ALDOC: variants seen among roughly 807,000 people sequenced by gnomAD.
The protein encoded by ALDOC is fructose-bisphosphate aldolase C.
In ALDOC, 23 loss-of-function variants were observed where a neutral mutation model predicts 39.5. That is an observed-to-expected ratio of 0.58 (90% CI 0.42 to 0.82). ALDOC has a LOEUF of 0.82. Ranked by LOEUF, ALDOC falls within the 40% of genes least tolerant of loss-of-function variation. ALDOC has a pLI of 0.00. For missense variants in ALDOC, 356 were observed against 479.1 expected (o/e 0.74, Z 2.40); for synonymous variants, 160 against 182.6 (o/e 0.88, Z 1.00).
Position 28,575,636 on chromosome 17 carries a change from G to C in ALDOC, c.-12-92C>G. 1 of 1,470,240 alleles carries C rather than the reference G, an allele frequency of 6.8e-7. No individual in the cohort carries two copies. Among genetic ancestry groups the C allele is most frequent in the African/African-American group, 1.4e-5 (1 of 71,514 alleles). 91.1% of individuals were successfully genotyped at this position (1,470,240 alleles called of 1,614,324 possible). On this transcript the variant is annotated intron_variant, in intron 1 of 8. Coordinates refer to ENST00000226253, the MANE Select transcript of ALDOC (RefSeq NM_005165.3). The surrounding 1 kb of genome is among the most constrained non-coding windows in gnomAD (Gnocchi z 4.3). ...AAATGGCCTCCCCATCAAGCAAGGG[G>C]CTGGGAACAGGGCAGCAGTCCTTGG...
chr17:28,574,679 C>T lies in ALDOC; in HGVS notation c.540+17G>A. ...GCATACAGGGCACCTAGCTCACCAC[C>T]CTCCCAACACACACACCTGCTGGCA... On this transcript the variant is annotated intron_variant, in intron 5 of 8. Transcript: ENST00000226253. 1 of 1,614,022 alleles carries T rather than the reference C, an allele frequency of 6.2e-7. No homozygotes were observed. The highest frequency in any genetic ancestry group is 2.2e-5 in the East Asian group (1 of 44,874).
Position 28,575,030 on chromosome 17 carries a change from G to T in ALDOC, c.325-24C>A. On this transcript the variant is annotated intron_variant, in intron 3 of 8. Transcript: ENST00000226253. This position sits in a 1 kb window ranked among gnomAD's most constrained non-coding sequence, Gnocchi z 4.3. ...ACCTGTAGAGGAAGTACAAGCAGAG[G>T]GTTGAATCCAGGCAGGATTCTCCTT... The T allele has an allele frequency of 1.9e-6, 3 of 1,614,108 alleles. No homozygotes were observed. Among genetic ancestry groups the T allele is most frequent in the Non-Finnish European group, 2.5e-6 (3 of 1,180,020 alleles).
chr17:28,574,298 C>T (rs1290940192), intron 6 of ALDOC, 57 bp from the exon 7 acceptor site: 17 of 1,536,086 alleles, frequency 1.1e-5, no homozygotes, highest in East Asian at 2.3e-5. Flanking sequence ...GGTTACTGCT[C>T]GATGCTCCCT....
rs765584165 is a variant in ALDOC at position 28,575,360 on chromosome 17, G to A, written c.113-26C>T. On this transcript the variant is annotated intron_variant, in intron 2 of 8. Transcript: ENST00000226253. This position sits in a 1 kb window ranked among gnomAD's most constrained non-coding sequence, Gnocchi z 4.3. Reference sequence around the variant, plus strand: ...CTAGGGGCAAACAAAGAGAGGCAGTGAGAACATCCCCAGGGTCCCCTAGCC... The same window carrying A: ...CTAGGGGCAAACAAAGAGAGGCAGTAAGAACATCCCCAGGGTCCCCTAGCC... 1.2e-6 allele frequency: 2 copies of A among 1,614,222 alleles called. No homozygotes were observed. Among genetic ancestry groups the A allele is most frequent in the South Asian group, 2.2e-5 (2 of 91,086 alleles).
At chr17:28,574,420 T>A in intron 6 of ALDOC, 74 bp downstream of exon 6, 1 of 1,528,798 alleles carries the variant, frequency 6.5e-7, no homozygotes, top group East Asian at 2.3e-5. Context: ...GGATCTAAGC[T>A]GGGGGTTCTG....
chr17:28,574,055 G>A lies in ALDOC; in HGVS notation c.799+12C>T. On this transcript the variant is annotated intron_variant, in intron 7 of 8. Transcript: ENST00000226253. ...CTTAGGGATAGGAGCAGGTTAGGGA[G>A]CTGGGTAGTACCTGGGACAGCTGGG... 6.3e-7 allele frequency: 1 copy of A among 1,595,244 alleles called. No homozygotes were observed. The highest frequency in any genetic ancestry group is 8.5e-7 in the Non-Finnish European group (1 of 1,169,918).
chr17:28,575,763 A>C lies in ALDOC; in HGVS notation c.-12-219T>G. 3 of 665,978 alleles carry C rather than the reference A, an allele frequency of 4.5e-6. No homozygotes were observed. Among genetic ancestry groups the C allele is most frequent in the Non-Finnish European group, 4.8e-6 (2 of 417,832 alleles). The allele number at this position is 665,978 out of a possible 1,614,324, so 41.3% of individuals were successfully genotyped here. ...TTTGTCCCTGGTAGGCATCCTTCCCAGCCCTGGGGAAAGATGCAGGGTGGG... is the reference window on the plus strand; with the variant it reads ...TTTGTCCCTGGTAGGCATCCTTCCCCGCCCTGGGGAAAGATGCAGGGTGGG... On this transcript the variant is annotated intron_variant, in intron 1 of 8. Coordinates refer to ENST00000226253, the MANE Select transcript of ALDOC (RefSeq NM_005165.3). This position sits in a 1 kb window ranked among gnomAD's most constrained non-coding sequence, Gnocchi z 4.3.
At position 28,574,229 on chromosome 17, in the gene ALDOC, C is replaced by G. The variant is rs777472706; in HGVS notation, c.637G>C (p.Val213Leu). ...QYVTEKVLAA[V>L]YKALSDHHVY... ...TGATGGTCACTCAGGGCCTTGTACA[C>G]AGCAGCCAAGACCTGGGTGGGGATT... Residue 213 changes from valine (V) to leucine (L), a missense_variant, in exon 7 of 9, where the codon GTG (valine) becomes CTG (leucine). Physicochemically the swap from Val to Leu is conservative, Grantham distance 32 (BLOSUM62 1). Coordinates refer to ENST00000226253, the MANE Select transcript of ALDOC (RefSeq NM_005165.3). 7 of 1,590,122 alleles carry G rather than the reference C, an allele frequency of 4.4e-6. No homozygotes were observed. In the African/African-American group the frequency reaches 9.4e-5, roughly 21 times the overall value.
rs771590182 is a variant in ALDOC, at chr17:28,574,935, G to T, written c.379+17C>A. 1 of 1,614,108 alleles carries T rather than the reference G, an allele frequency of 6.2e-7. No individual in the cohort carries two copies. Among genetic ancestry groups the T allele is most frequent in the Non-Finnish European group, 8.5e-7 (1 of 1,180,012 alleles). On this transcript the variant is annotated intron_variant, in intron 4 of 8. Coordinates refer to ENST00000226253, the MANE Select transcript of ALDOC (RefSeq NM_005165.3). ...TATCTAACACCTCTTTGGTCCTCAA[G>T]CCCACCCATCCTATACCTTGAGTGG...
chr17:28,576,126 T>C (rs966411492), intron 1 of ALDOC: 2 of 390,858 alleles, frequency 5.1e-6, no homozygotes, highest in African/African-American at 2.2e-5. Context: ...TGCCTGCCTA[T>C]GCCTATTGCC....
chr17:28,574,969 C>T lies in ALDOC; in HGVS notation c.362G>A (p.Gly121Glu). 1 of 1,614,184 alleles carries T rather than the reference C, an allele frequency of 6.2e-7. No homozygotes were observed. Among genetic ancestry groups the T allele is most frequent in the Non-Finnish European group, 8.5e-7 (1 of 1,180,030 alleles). The stretch of plus-strand genomic sequence containing the variant: ...TCCTATACCTTGAGTGGTGGTTTCT[C>T]CATCAGTCCCAGCTAGAGGCACCAC... ...KGVVPLAGTD[G>E]ETTTQGLDGL... Residue 121 changes from glycine to glutamate, a missense_variant, in exon 4 of 9, where the codon GGA (glycine) becomes GAA (glutamate). By Grantham distance (98) the Gly-to-Glu change is moderately conservative (BLOSUM62 -2). Coordinates refer to ENST00000226253, the MANE Select transcript of ALDOC (RefSeq NM_005165.3).
Position 28,573,645 on chromosome 17 carries a change from G to C in ALDOC, c.1000-24C>G. 1 of 1,613,990 alleles carries C rather than the reference G, an allele frequency of 6.2e-7. No homozygotes were observed. The highest frequency in any genetic ancestry group is 8.5e-7 in the Non-Finnish European group (1 of 1,179,866). On this transcript the variant is annotated intron_variant, in intron 8 of 8. Transcript: ENST00000226253. The surrounding 1 kb of genome is among the most constrained non-coding windows in gnomAD (Gnocchi z 4.3). ...ACCTGCAAAAGGGAGCGTGGAGTAAGCAGGCTGAGCCAGCCCACAGGTGCC... is the reference window on the plus strand; with the variant it reads ...ACCTGCAAAAGGGAGCGTGGAGTAACCAGGCTGAGCCAGCCCACAGGTGCC...
intron 6 of ALDOC, 60 bp from the exon 7 acceptor site, chr17:28,574,301 T>G: frequency 6.5e-7 from 1 of 1,531,552 alleles, no homozygotes; most frequent in Non-Finnish European, 8.9e-7. Context: ...TACTGCTCGA[T>G]GCTCCCTATG....
In ALDOC at chr17:28,576,809, A is replaced by G. The variant is rs2070498329; in HGVS notation, c.-21T>C. The G allele has an allele frequency of 1.7e-5, 17 of 985,394 alleles. No homozygotes were observed. Among genetic ancestry groups the G allele is most frequent in the Non-Finnish European group, 2.0e-5 (17 of 829,916 alleles). 61.0% of individuals were successfully genotyped at this position (985,394 alleles called of 1,614,324 possible). Reference sequence around the variant, plus strand: ...GCCTTGCCTGGCCTTACCTGTGCGCAGCCAGTTAGCAGCCGCAGCCACAAG... The same window carrying G: ...GCCTTGCCTGGCCTTACCTGTGCGCGGCCAGTTAGCAGCCGCAGCCACAAG... On this transcript the variant is annotated 5_prime_UTR_variant, in exon 1 of 9. Transcript: ENST00000226253.
chr17:28,576,727 G>A (rs1030388113), intron 1 of ALDOC, 74 bp downstream of exon 1: 1 of 941,772 alleles, frequency 1.1e-6, no homozygotes, highest in African/African-American at 1.8e-5. Context: ...CAGGTAGCAG[G>A]ACGAGGATGG....
At position 28,573,688 on chromosome 17, in the gene ALDOC, T is replaced by G; in HGVS notation, c.999+47A>C. The G allele has an allele frequency of 6.2e-7, 1 of 1,613,932 alleles. No homozygotes were observed. Among genetic ancestry groups the G allele is most frequent in the Non-Finnish European group, 8.5e-7 (1 of 1,179,900 alleles). On this transcript the variant is annotated intron_variant, in intron 8 of 8. Transcript: ENST00000226253. The surrounding 1 kb of genome is among the most constrained non-coding windows in gnomAD (Gnocchi z 4.3). The stretch of plus-strand genomic sequence containing the variant: ...CAGGTGCCAAGCCCTGCCCAGGCTA[T>G]AGCCTCTGGGTGCTGCCCCCACCCA...
rs998570884 is a variant in ALDOC, at chr17:28,575,499, G to C, written c.34C>G (p.Gln12Glu). ...GCAATGTCAGACAACTCCTTCTTCT[G>C]CTCAGCAGAAAGGGCTGGGTACGAG... ...PHSYPALSAE[Q>E]KKELSDIALR... is the part of the protein sequence containing the mutation. Residue 12 changes from glutamine to glutamate, a missense_variant, in exon 2 of 9, where the codon CAG becomes GAG. By Grantham distance (29) the Gln-to-Glu change is conservative. Transcript: ENST00000226253. The surrounding 1 kb of genome is among the most constrained non-coding windows in gnomAD (Gnocchi z 4.3). 57 of 1,614,102 alleles carry C rather than the reference G, an allele frequency of 3.5e-5. No individual in the cohort carries two copies. The highest frequency in any genetic ancestry group is 4.2e-5 in the Non-Finnish European group (49 of 1,180,040).
Position 28,575,313 on chromosome 17 carries a change from C to T in ALDOC, c.134G>A (p.Ser45Asn). The T allele has an allele frequency of 6.2e-7, 1 of 1,614,226 alleles. No individual in the cohort carries two copies. Among genetic ancestry groups the T allele is most frequent in the Non-Finnish European group, 8.5e-7 (1 of 1,180,030 alleles). The change falls in exon 3 of 9, where the codon AGC (serine) becomes AAC (asparagine). Residue 45 changes from serine (S) to asparagine (N), a missense_variant. Physicochemically the swap from Ser to Asn is conservative, Grantham distance 46 (BLOSUM62 1). Transcript: ENST00000226253. This position sits in a 1 kb window ranked among gnomAD's most constrained non-coding sequence, Gnocchi z 4.3. The part of the protein sequence containing the change: ...ESVGSMAKRL[S>N]QIGVENTEEN... ...CTCTGTGTTTTCCACCCCAATTTGG[C>T]TCAGCCGCTTGGCCATGCTGCCTAG...
In ALDOC at chr17:28,574,551, AG is replaced by A; in HGVS notation, c.566del (p.Pro189LeufsTer29). 6.2e-7 allele frequency: 1 copy of A among 1,614,132 alleles called. No homozygotes were observed. Among genetic ancestry groups the A allele is most frequent in the Non-Finnish European group, 8.5e-7 (1 of 1,179,990 alleles). ...QQNGIVPIVE[P>X]EILPDGDHDL... ...CGTGGTCTCCATCAGGCAATATTTC[AG>A]GTTCCACAATAGGCACAATGCCATT... On this transcript the variant is annotated frameshift_variant, in exon 6 of 9. Transcript: ENST00000226253. LOFTEE classifies it high-confidence loss of function.
Sources: allele counts gnomAD v4.1 joint callset, GRCh38; gene constraint gnomAD v4.1.1; non-coding constraint Gnocchi (gnomAD v3.1); transcripts MANE v1.5; gene names NCBI Gene and HGNC (gene_info 2026-07-23, HGNC 2026-07-21).